The following LOC128462377 variants were observed in gnomAD, a reference collection of about 807,000 sequenced individuals.
the LOC128462377 span, among the ~76,000 whole-genome samples, chr16:89,402,987 C>A: frequency 6.6e-6 from 1 of 152,170 alleles, no homozygotes; most frequent in Non-Finnish European, 1.5e-5. Context: ...AGCTCTAGAG[C>A]AAGGCCAGTC....
chr16:89,368,248 T>C, the LOC128462377 span, among the ~76,000 whole-genome samples: 2 of 151,974 alleles, frequency 1.3e-5, no homozygotes, highest in African/African-American at 4.8e-5. Context: ...CAGGCCAGAC[T>C]GCAGTGGCAC....
At chr16:89,402,697 G>A in the LOC128462377 span, among the ~76,000 whole-genome samples, 3 of 147,198 alleles carry the variant, frequency 2.0e-5, no homozygotes, top group Non-Finnish European at 3.0e-5. Context: ...AGGTGAGGTG[G>A]CTCTGCGAGG....
chr16:89,347,795 A>C, the LOC128462377 span, among the ~76,000 whole-genome samples: 2 of 152,046 alleles, frequency 1.3e-5, no homozygotes, highest in East Asian at 3.8e-4. Context: ...CATCTCCAAC[A>C]TTAGGAAAAA....
the LOC128462377 span, among the ~76,000 whole-genome samples, chr16:89,408,421 G>A: frequency 1.3e-5 from 2 of 152,364 alleles, no homozygotes; most frequent in Admixed American, 1.3e-4. Context: ...GAAGAGGATG[G>A]CAGGTACACA....
chr16:89,358,739 C>T, the LOC128462377 span, among the ~76,000 whole-genome samples: 26 of 152,178 alleles, frequency 1.7e-4, no homozygotes, highest in Admixed American at 3.3e-4. Flanking sequence ...ACATCTGCAC[C>T]CAGCCCTAGA....
At chr16:89,328,156 T>C in the LOC128462377 span, among the ~76,000 whole-genome samples, 77 of 147,364 alleles carry the variant, frequency 5.2e-4, no homozygotes, top group African/African-American at 1.8e-3. Flanking sequence ...CAATGAGATA[T>C]TACTGCACAC....
At chr16:89,367,720 C>A in the LOC128462377 span, among the ~76,000 whole-genome samples, 1 of 152,050 alleles carries the variant, frequency 6.6e-6, no homozygotes, top group Non-Finnish European at 1.5e-5. Context: ...GTGAGTACAG[C>A]TCCACGCATC....
chr16:89,341,240 C>A, the LOC128462377 span, among the ~76,000 whole-genome samples: 1 of 152,196 alleles, frequency 6.6e-6, no homozygotes, highest in Non-Finnish European at 1.5e-5. Flanking sequence ...TCATGGCAAG[C>A]AGACCCGGTT....
chr16:89,332,348 C>T, the LOC128462377 span, among the ~76,000 whole-genome samples: 1 of 152,224 alleles, frequency 6.6e-6, no homozygotes, highest in South Asian at 2.1e-4. Flanking sequence ...CCAAGCACCT[C>T]TGGTGGGCTG....
the LOC128462377 span, among the ~76,000 whole-genome samples, chr16:89,414,379 G>A: frequency 5.9e-5 from 9 of 152,124 alleles, no homozygotes; most frequent in Non-Finnish European, 1.2e-4. Context: ...TGTCACTCAC[G>A]GCCACACTCA....
chr16:89,340,707 A>G, the LOC128462377 span, among the ~76,000 whole-genome samples: 1 of 152,246 alleles, frequency 6.6e-6, no homozygotes, highest in African/African-American at 2.4e-5. Flanking sequence ...TTTAAATAAA[A>G]ACTATAAACT....
chr16:89,378,445 T>C, the LOC128462377 span, among the ~76,000 whole-genome samples: 2 of 152,190 alleles, frequency 1.3e-5, no homozygotes, highest in African/African-American at 4.8e-5. Flanking sequence ...TTCTTGATAA[T>C]AATTTCAAAT....
At chr16:89,339,249 T>A in the LOC128462377 span, among the ~76,000 whole-genome samples, 1 of 152,222 alleles carries the variant, frequency 6.6e-6, no homozygotes, top group Admixed American at 6.5e-5. Flanking sequence ...GCTGTTTAGG[T>A]CAAAATCATG....
At chr16:89,366,753 T>A in the LOC128462377 span, among the ~76,000 whole-genome samples, 1 of 152,332 alleles carries the variant, frequency 6.6e-6, no homozygotes, top group African/African-American at 2.4e-5. Context: ...CTCTCTTGAA[T>A]GTGTGCTATG....
chr16:89,384,036 A>G, the LOC128462377 span, among the ~76,000 whole-genome samples: 1 of 152,180 alleles, frequency 6.6e-6, no homozygotes, highest in Non-Finnish European at 1.5e-5. Context: ...CCTGGCCAAC[A>G]TGGCAAAACC....
chr16:89,353,768 C>T, the LOC128462377 span, among the ~76,000 whole-genome samples: 8 of 152,312 alleles, frequency 5.3e-5, no homozygotes, highest in East Asian at 1.2e-3. Flanking sequence ...GCGTGAGCCA[C>T]TACGCCCGAA....
the LOC128462377 span, among the ~76,000 whole-genome samples, chr16:89,352,745 T>C: frequency 2.6e-5 from 4 of 152,164 alleles, no homozygotes; most frequent in East Asian, 1.9e-4. Context: ...CCTCTGAAAA[T>C]GTGTGTGCTC....
At chr16:89,380,520 A>G in the LOC128462377 span, among the ~76,000 whole-genome samples, 1 of 151,796 alleles carries the variant, frequency 6.6e-6, no homozygotes, top group Non-Finnish European at 1.5e-5. Flanking sequence ...CTCCACCTGC[A>G]TAAGAAACGG....
At chr16:89,383,880 C>T in the LOC128462377 span, among the ~76,000 whole-genome samples, 2 of 152,200 alleles carry the variant, frequency 1.3e-5, no homozygotes, top group Non-Finnish European at 2.9e-5. Flanking sequence ...CCAGTCATAC[C>T]TCTGTCTCAC....
Sources: allele counts gnomAD v4.1 joint callset (sites outside exome capture counted in the v4.1 genomes callset), GRCh38; gene constraint gnomAD v4.1.1; transcripts MANE v1.5.